TUBGCP5: variants seen among roughly 807,000 people sequenced by gnomAD.
TUBGCP5 encodes the protein gamma-tubulin complex component 5.
TUBGCP5 carries 98 observed loss-of-function variants against 134.7 expected under a neutral mutation model. The ratio of observed to expected loss-of-function variants is 0.73; its 90% CI spans 0.62 to 0.86. The LOEUF is 0.86. TUBGCP5 is among the 40% of genes least tolerant of loss of function. The pLI, the probability that TUBGCP5 is intolerant of heterozygous loss-of-function variation, is 0.00. For missense variants in TUBGCP5, 1,150 were observed against 1,244.8 expected, an observed-to-expected ratio of 0.92 and a Z score of 1.15; for synonymous variants, 456 against 431.4, an observed-to-expected ratio of 1.06 and a Z score of -0.71.
rs557424950 is a variant in TUBGCP5, at chr15:23,003,675, T to G, written c.2838+427A>C. The stretch of plus-strand genomic sequence containing the variant: ...TTTTTTTTTTTTAAGAGACAAGGTC[T>G]TGCTCTGTTACCCAAGCTGGAGTGG... On this transcript the variant is annotated intron_variant, in intron 20 of 22. Transcript: ENST00000615383. Among the ~76,000 whole-genome samples, 297 of 146,028 alleles carry G rather than the reference T, an allele frequency of 2.0e-3. 1 individual carries two copies. The highest frequency in any genetic ancestry group is 7.2e-3 in the African/African-American group (283 of 39,518).
In TUBGCP5 at chr15:23,004,245, A is replaced by C. The variant is rs532625632; in HGVS notation, c.2713-18T>G. The C allele has an allele frequency of 1.0e-5, 16 of 1,603,486 alleles. No homozygotes were observed. Among genetic ancestry groups the C allele is most frequent in the Non-Finnish European group, 1.4e-5 (16 of 1,177,206 alleles). Reference sequence around the variant, plus strand: ...TGTAGAATCTTGGAAGAGAAAGATAAAAAGCTTCATCAGCAGCCTTCTTTG... The same window carrying C: ...TGTAGAATCTTGGAAGAGAAAGATACAAAGCTTCATCAGCAGCCTTCTTTG... On this transcript the variant is annotated intron_variant, in intron 19 of 22. Coordinates refer to ENST00000615383, the MANE Select transcript of TUBGCP5 (RefSeq NM_052903.6).
chr15:23,019,450 G>T, intron 11 of TUBGCP5, 116 bp from the exon 12 acceptor site: 1 of 700,506 alleles, frequency 1.4e-6, no homozygotes, highest in South Asian at 1.8e-5. Flanking sequence ...TATGTTTTTT[G>T]GGGCACAAAG....
At chr15:23,026,320 T>C (rs947595951) in intron 7 of TUBGCP5, 115 bp from the exon 8 acceptor site, 17 of 860,614 alleles carry the variant, frequency 2.0e-5, no homozygotes, top group Admixed American at 6.2e-5. Context: ...CTAACAAGTA[T>C]ACATAATAAA....
intron 6 of TUBGCP5, among the ~76,000 whole-genome samples, chr15:23,028,712 C>G: frequency 6.6e-6 from 1 of 152,206 alleles, no homozygotes. Flanking sequence ...TCAGGTATAA[C>G]CCCCCTTAGG....
rs1396507767 is a variant in TUBGCP5, at chr15:23,003,092, C to T, written c.2900G>A (p.Gly967Asp). 3.1e-6 allele frequency: 5 copies of T among 1,614,158 alleles called. No individual in the cohort carries two copies. In the Admixed American group the frequency reaches 6.7e-5, roughly 22 times the overall value. Residue 967 changes from glycine to aspartate, a missense_variant, in exon 21 of 23, where the codon GGT becomes GAT. This residue lies in a region of TUBGCP5 where 697 missense variants were observed against 850.1 expected (regional missense o/e 0.82). Coordinates refer to ENST00000615383, the MANE Select transcript of TUBGCP5 (RefSeq NM_052903.6). ...CCAAGTGCCCAGGCCTGCCTGCCAA[C>T]CGTCTGCAAACATGAGAGCCAAGTT... is the stretch of plus-strand genomic sequence containing the variant. ...VLNLALMFAD[G>D]WQAGLGTWRM...
At chr15:23,027,533 C>T (rs1171248495) in intron 6 of TUBGCP5, among the ~76,000 whole-genome samples, 2 of 152,060 alleles carry the variant, frequency 1.3e-5, no homozygotes. Flanking sequence ...GGGATGACCA[C>T]TTGAATCCAG....
At chr15:23,032,435 C>T (rs182371697) in intron 4 of TUBGCP5, among the ~76,000 whole-genome samples, 49 of 152,130 alleles carry the variant, frequency 3.2e-4, no homozygotes, top group Admixed American at 2.4e-3. Context: ...CATGTAAATG[C>T]TATGTAAATA....
In TUBGCP5 at chr15:23,017,877, A is replaced by C. The variant is rs1406326515; in HGVS notation, c.1652T>G (p.Phe551Cys). Reference protein sequence around the residue: ...PSSRQHTMVSFLKPVLKQIIM... With the variant: ...PSSRQHTMVSCLKPVLKQIIM... ...GATCTGCTTCAGGACAGGTTTGAGG[A>C]AGGACACCATGGTGTGCTGCCTGCT... The change falls in exon 13 of 23, where the codon TTC becomes TGC. Residue 551 changes from phenylalanine (F) to cysteine (C), a missense_variant. Around this residue, in one of 2 missense-constraint regions of TUBGCP5, gnomAD observed 697 missense variants for 850.1 expected, o/e 0.82. Transcript: ENST00000615383. 2 of 1,613,958 alleles carry C rather than the reference A, an allele frequency of 1.2e-6. No individual in the cohort carries two copies. Among genetic ancestry groups the C allele is most frequent in the Non-Finnish European group, 1.7e-6 (2 of 1,180,004 alleles).
intron 11 of TUBGCP5, among the ~76,000 whole-genome samples, chr15:23,020,056 A>G (rs2065581042): frequency 6.6e-6 from 1 of 152,096 alleles, no homozygotes; most frequent in African/African-American, 2.4e-5. Context: ...AGGTGGGCAG[A>G]TCACAAGGGC....
chr15:23,006,758 A>G (rs2064739373), intron 16 of TUBGCP5, among the ~76,000 whole-genome samples: 1 of 152,134 alleles, frequency 6.6e-6, no homozygotes, highest in Admixed American at 6.6e-5. Flanking sequence ...CGAGAGCCCC[A>G]TCGAGATGGG....
chr15:23,022,238 T>C (rs2065747019), intron 10 of TUBGCP5, 77 bp from the exon 11 acceptor site: 1 of 1,495,850 alleles, frequency 6.7e-7, no homozygotes, highest in East Asian at 2.3e-5. Flanking sequence ...TGCTGGCAAA[T>C]CATCAGGCTT....
chr15:23,015,252 A>C (rs992231292), intron 13 of TUBGCP5, among the ~76,000 whole-genome samples: 2 of 151,762 alleles, frequency 1.3e-5, no homozygotes, highest in Admixed American at 6.6e-5. Flanking sequence ...CATCTAGCTA[A>C]TTTTTATATT....
chr15:22,994,986 G>A (rs2064001773), downstream of TUBGCP5, among the ~76,000 whole-genome samples: 1 of 152,146 alleles, frequency 6.6e-6, no homozygotes, highest in Non-Finnish European at 1.5e-5. Flanking sequence ...GCTCATGCCT[G>A]TAATCCCATC....
chr15:23,005,942 A>G (rs1173485505), intron 18 of TUBGCP5, 110 bp downstream of exon 18: 3 of 1,111,634 alleles, frequency 2.7e-6, no homozygotes, highest in Admixed American at 6.5e-5. Flanking sequence ...ACAACCACCA[A>G]CTTTTTTTTT....
At chr15:23,029,135 T>A (rs2066149460) in intron 6 of TUBGCP5, among the ~76,000 whole-genome samples, 1 of 152,228 alleles carries the variant, frequency 6.6e-6, no homozygotes, top group Non-Finnish European at 1.5e-5. Flanking sequence ...AATGTAGCTA[T>A]TATTATGTTA....
Position 23,010,108 on chromosome 15 carries a change from G to T in TUBGCP5, c.1981C>A (p.His661Asn). The change falls in exon 15 of 23, where the codon CAC becomes AAC. Residue 661 changes from histidine (H) to asparagine (N), a missense_variant. His to Asn is a moderately conservative substitution (Grantham distance 68, BLOSUM62 1). Transcript: ENST00000615383. ...ACATCACCACCAGCAAACTTCTCGT[G>T]AAAGTCACTCTGCTCCAAATACATC... The part of the protein sequence containing the change: ...ARMYLEQSDF[H>N]EKFAGGDVCV... 1 of 1,613,866 alleles carries T rather than the reference G, an allele frequency of 6.2e-7. No individual in the cohort carries two copies. The highest frequency in any genetic ancestry group is 1.1e-5 in the South Asian group (1 of 91,018).
At chr15:23,004,661 T>C (rs1342915649) in intron 19 of TUBGCP5, 1 of 154,512 alleles carries the variant, frequency 6.5e-6, no homozygotes, top group East Asian at 1.9e-4. Flanking sequence ...ATACCTCAAA[T>C]AAAAAACAAA....
In TUBGCP5 at chr15:23,005,489, G is replaced by C; in HGVS notation, c.2655C>G (p.Leu885=). 6.2e-7 allele frequency: 1 copy of C among 1,614,186 alleles called. No homozygotes were observed. Among genetic ancestry groups the C allele is most frequent in the Non-Finnish European group, 8.5e-7 (1 of 1,180,044 alleles). ...PVRQQIHRMF[L]LRVKLMHFVN... is the part of the protein sequence containing the mutation. Reference sequence around the variant, plus strand: ...CGAAATGCATGAGCTTCACTCTTAAGAGGAACATGCGATGAATCTGCTGTC... The same window carrying C: ...CGAAATGCATGAGCTTCACTCTTAACAGGAACATGCGATGAATCTGCTGTC... The change falls in exon 19 of 23, where the codon CTC becomes CTG. Residue 885 remains leucine (L), a synonymous_variant. Coordinates refer to ENST00000615383, the MANE Select transcript of TUBGCP5 (RefSeq NM_052903.6).
At chr15:23,020,885 T>C (rs2065647640) in intron 11 of TUBGCP5, among the ~76,000 whole-genome samples, 1 of 152,130 alleles carries the variant, frequency 6.6e-6, no homozygotes, top group Admixed American at 6.6e-5. Context: ...ACCATAGGCA[T>C]GTGCCTCCAG....
Sources: allele counts gnomAD v4.1 joint callset (sites outside exome capture counted in the v4.1 genomes callset), GRCh38; gene constraint gnomAD v4.1.1; regional missense constraint gnomAD v4.1.1; transcripts MANE v1.5; gene names NCBI Gene and HGNC (gene_info 2026-07-23, HGNC 2026-07-21).